DENND2B: variants seen among roughly 807,000 people sequenced by gnomAD.
DENND2B encodes the protein DENN domain-containing protein 2B.
A neutral mutation model predicts 116.0 loss-of-function variants in DENND2B; 32 were observed. The observed-to-expected ratio is 0.28, with a 90% CI of 0.21 to 0.37. The LOEUF is 0.37. Ranked by LOEUF, DENND2B falls within the 10% of genes least tolerant of loss-of-function variation. The pLI is 1.00. For synonymous variants in DENND2B, 588 were observed against 583.9 expected (o/e 1.01, Z -0.10); for missense variants, 1,276 against 1,477.7 (o/e 0.86, Z 2.24).
intron 2 of DENND2B, among the ~76,000 whole-genome samples, chr11:8,858,658 T>C (rs1260700675): frequency 1.3e-5 from 2 of 152,116 alleles, no homozygotes; most frequent in African/African-American, 2.4e-5. Flanking sequence ...GGGTAAAAAA[T>C]ATATATATTC....
Position 8,726,089 on chromosome 11 carries a change from G to A in DENND2B, c.1461C>T (p.Ala487=). ...FGSKSTLEEN[A]YEDIVGDLPK... is the part of the protein sequence containing the mutation. The stretch of plus-strand genomic sequence containing the variant: ...ATTGCTTACCCACAATATCTTCATA[G>A]GCATTTTCTTCTAAAGTGCTTTTGG... The change falls in exon 4 of 20, where the codon GCC becomes GCT. Residue 487 remains alanine (A), a synonymous_variant. Coordinates refer to ENST00000313726, the MANE Select transcript of DENND2B (RefSeq NM_213618.2). The A allele has an allele frequency of 6.2e-7, 1 of 1,614,046 alleles. No individual in the cohort carries two copies. The highest frequency in any genetic ancestry group is 8.5e-7 in the Non-Finnish European group (1 of 1,179,994).
Position 8,754,064 on chromosome 11 carries a change from A to ACACAC in DENND2B, c.-25-3340_-25-3339insGTGTG, listed in dbSNP as rs1565854666. Among the ~76,000 whole-genome samples, 11 of 77,762 alleles carry ACACAC rather than the reference A, an allele frequency of 1.4e-4. No homozygotes were observed. The East Asian group carries it at 4.1e-3, about 29-fold the overall frequency. 51.0% of individuals were successfully genotyped at this position (77,762 alleles called of 152,430 possible). On this transcript the variant is annotated intron_variant, in intron 1 of 19. Coordinates refer to ENST00000313726, the MANE Select transcript of DENND2B (RefSeq NM_213618.2). ...ACACACACACACACACACACACACAAAGGACATGAATTGTACTATGTCAAA... is the reference window on the plus strand; with the variant it reads ...ACACACACACACACACACACACACAACACACAGGACATGAATTGTACTATGTCAAA...
intron 4 of DENND2B, among the ~76,000 whole-genome samples, chr11:8,824,850 G>C (rs142557740): frequency 0.034 from 2,808 of 82,818 alleles, 34 homozygotes; most frequent in South Asian, 0.06. Flanking sequence ...TCCACACCCA[G>C]CTATTTTTTT....
chr11:8,823,545 G>A (rs2061847472), intron 4 of DENND2B, among the ~76,000 whole-genome samples: 1 of 152,164 alleles, frequency 6.6e-6, no homozygotes, highest in Non-Finnish European at 1.5e-5. Context: ...AGGTCATGGG[G>A]GCCATTTCCC....
rs527719196 is a variant in DENND2B at position 8,707,748 on chromosome 11, G to A, written c.2430+29C>T. 49 of 1,586,888 alleles carry A rather than the reference G, an allele frequency of 3.1e-5. No individual in the cohort carries two copies. Among genetic ancestry groups the A allele is most frequent in the Non-Finnish European group, 3.8e-5 (44 of 1,166,286 alleles). ...CTGTGGGAGCTGTCAGCTGGGGGAC[G>A]GGGAGGGAAGCCTGCCAGAGCCTCT... On this transcript the variant is annotated intron_variant, in intron 12 of 19. Transcript: ENST00000313726. This position sits in a 1 kb window ranked among gnomAD's most constrained non-coding sequence, Gnocchi z 4.8.
intron 2 of DENND2B, among the ~76,000 whole-genome samples, chr11:8,870,203 G>T (rs911989987): frequency 6.6e-6 from 1 of 152,164 alleles, no homozygotes; most frequent in Non-Finnish European, 1.5e-5. Flanking sequence ...ACTTAATGAA[G>T]AAGTTATTTT....
intron 1 of DENND2B, among the ~76,000 whole-genome samples, chr11:8,752,480 C>A (rs2052712018): frequency 6.6e-6 from 1 of 151,482 alleles, no homozygotes; most frequent in Admixed American, 6.6e-5. Flanking sequence ...AAAACTTAAG[C>A]AAGGTAGAGG....
chr11:8,815,987 T>C (rs1212082702), intron 4 of DENND2B, among the ~76,000 whole-genome samples: 1 of 152,250 alleles, frequency 6.6e-6, no homozygotes, highest in Non-Finnish European at 1.5e-5. Flanking sequence ...GAGGGGTTTA[T>C]AGTACTTTCT....
intron 1 of DENND2B, among the ~76,000 whole-genome samples, chr11:8,781,449 T>C (rs2058362199): frequency 1.3e-5 from 2 of 152,118 alleles, no homozygotes; most frequent in South Asian, 4.2e-4. Context: ...AGGAATGTTC[T>C]AGGAAAAGCC....
upstream of DENND2B, chr11:8,810,986 G>A (rs1389006735): frequency 3.6e-6 from 1 of 278,312 alleles, no homozygotes. Flanking sequence ...AGGGGAGAAG[G>A]GAGAAGACAG....
rs117989231 is a variant in DENND2B at position 8,740,711 on chromosome 11, T to A, written c.81-9502A>T. Among the ~76,000 whole-genome samples, 906 of 152,232 alleles carry A rather than the reference T, an allele frequency of 6.0e-3. 18 individuals are homozygous for A. Among genetic ancestry groups the A allele is most frequent in the Admixed American group, 0.04 (605 of 15,286 alleles). On this transcript the variant is annotated intron_variant, in intron 2 of 19. Coordinates refer to ENST00000313726, the MANE Select transcript of DENND2B (RefSeq NM_213618.2). ...AAATGCTTCCATCCCTACTAAGCAA[T>A]GTCTAGCCTGCTTCAAATGAAACTG...
rs544420085 is a variant in DENND2B at position 8,725,677 on chromosome 11, T to C, written c.1477+396A>G. ...CCGGCTCGAAATATTATTACTATTA[T>C]TGTTGTTGTTAATATAGTCACATCA... On this transcript the variant is annotated intron_variant, in intron 4 of 19. Transcript: ENST00000313726. 3.0e-4 allele frequency among the ~76,000 whole-genome samples: 46 copies of C among 152,300 alleles called. No homozygotes were observed. The South Asian group carries it at 9.1e-3, about 30-fold the overall frequency.
chr11:8,769,179 G>C (rs1225993833), intron 1 of DENND2B, among the ~76,000 whole-genome samples: 1 of 151,630 alleles, frequency 6.6e-6, no homozygotes, highest in Non-Finnish European at 1.5e-5. Context: ...AGTGCCAGCA[G>C]AGAACCACTT....
At position 8,707,271 on chromosome 11, in the gene DENND2B, T is replaced by C. The variant is rs2042764631; in HGVS notation, c.2431-46A>G. 1.3e-6 allele frequency: 2 copies of C among 1,579,808 alleles called. No homozygotes were observed. The highest frequency in any genetic ancestry group is 8.6e-7 in the Non-Finnish European group (1 of 1,159,160). On this transcript the variant is annotated intron_variant, in intron 12 of 19. Transcript: ENST00000313726. This position sits in a 1 kb window ranked among gnomAD's most constrained non-coding sequence, Gnocchi z 4.8. ...CCAAAGAGGAAGGGTGTCAGGGCAC[T>C]GCCCTTCCCCCTCCTGGCAGAGAAG...
rs138276908 is a variant in DENND2B, at chr11:8,757,590, C to T, written c.-25-6865G>A. On this transcript the variant is annotated intron_variant, in intron 1 of 19. Coordinates refer to ENST00000313726, the MANE Select transcript of DENND2B (RefSeq NM_213618.2). Reference sequence around the variant, plus strand: ...GCAAAGGAGCATTTATTATGAGACACGCTGCTAGACTTTTAAACATGTAAT... The same window carrying T: ...GCAAAGGAGCATTTATTATGAGACATGCTGCTAGACTTTTAAACATGTAAT... Among the ~76,000 whole-genome samples, 13 of 152,310 alleles carry T rather than the reference C, an allele frequency of 8.5e-5. No individual in the cohort carries two copies. In the South Asian group the frequency reaches 1.4e-3, roughly 17 times the overall value.
At chr11:8,694,694 G>C (rs147675465) in intron 19 of DENND2B, 65 of 455,510 alleles carry the variant, frequency 1.4e-4, no homozygotes, top group South Asian at 6.7e-4. Flanking sequence ...GGAAAAAATG[G>C]ATGGTGGTGT....
chr11:8,798,999 GTATT>G (rs1418510065), intron 1 of DENND2B, among the ~76,000 whole-genome samples: 1 of 151,918 alleles, frequency 6.6e-6, no homozygotes, highest in East Asian at 1.9e-4. Flanking sequence ...GGCTAATTTT[GTATT>G]TAGAGACAAG....
intron 2 of DENND2B, among the ~76,000 whole-genome samples, chr11:8,868,955 G>T (rs1218187890): frequency 6.6e-6 from 1 of 152,206 alleles, no homozygotes. Flanking sequence ...ACACAAATTC[G>T]TAAACTTTTA....
At chr11:8,844,257 C>G (rs1016581979) in intron 3 of DENND2B, among the ~76,000 whole-genome samples, 8 of 151,790 alleles carry the variant, frequency 5.3e-5, no homozygotes, top group Non-Finnish European at 8.8e-5. Context: ...AAAAGTTAGC[C>G]AAGTGTGGTG....
Sources: allele counts gnomAD v4.1 joint callset (sites outside exome capture counted in the v4.1 genomes callset), GRCh38; gene constraint gnomAD v4.1.1; non-coding constraint Gnocchi (gnomAD v3.1); transcripts MANE v1.5; gene names NCBI Gene and HGNC (gene_info 2026-07-23, HGNC 2026-07-21).